Variants in CNMD observed in about 807,000 individuals in gnomAD.
CNMD encodes the protein leukocyte cell-derived chemotaxin 1.
A neutral mutation model predicts 37.5 loss-of-function variants in CNMD; 30 were observed. The ratio of observed to expected loss-of-function variants is 0.80; its 90% CI spans 0.60 to 1.09. CNMD has a LOEUF of 1.09. Among genes scored for constraint, CNMD ranks in the 50% least tolerant of loss-of-function variants. CNMD has a pLI of 0.00. For synonymous variants in CNMD, 167 were observed against 148.2 expected (o/e 1.13, Z -0.92); for missense variants, 398 against 423.9 (o/e 0.94, Z 0.54).
At chr13:52,714,327 G>A (rs1964335318) in intron 4 of CNMD, among the ~76,000 whole-genome samples, 2 of 151,976 alleles carry the variant, frequency 1.3e-5, no homozygotes, top group South Asian at 2.1e-4. Flanking sequence ...AACAGATCCC[G>A]ATTTGTGTAA....
chr13:52,714,780 C>T (rs1404944493), intron 4 of CNMD, among the ~76,000 whole-genome samples: 1 of 152,120 alleles, frequency 6.6e-6, no homozygotes, highest in Admixed American at 6.6e-5. Context: ...CACACACACA[C>T]ACACACGGAG....
At chr13:52,704,545 T>C (rs1436724) in intron 6 of CNMD, among the ~76,000 whole-genome samples, 145,592 of 152,172 alleles carry the variant, frequency 0.96, 69,668 homozygotes, top group East Asian at 0.99. Context: ...GGAACTCCCA[T>C]CCCTCCAACC....
intron 2 of CNMD, among the ~76,000 whole-genome samples, chr13:52,738,025 T>C (rs1964802073): frequency 6.6e-6 from 1 of 152,234 alleles, no homozygotes; most frequent in Admixed American, 6.5e-5. Flanking sequence ...ATGTGTAAAA[T>C]GGTTGAATTG....
chr13:52,732,482 TC>T (rs1019925000), intron 3 of CNMD, among the ~76,000 whole-genome samples: 38 of 152,332 alleles, frequency 2.5e-4, no homozygotes, highest in African/African-American at 8.9e-4. Context: ...CAAAACAGTC[TC>T]CTTTTCAAAG....
Position 52,703,632 on chromosome 13 carries a change from C to A in CNMD, c.968G>T (p.Cys323Phe). Residue 323 changes from cysteine (C) to phenylalanine (F), a missense_variant, in exon 7 of 7, where the codon TGT becomes TTT. Cys to Phe is a radical substitution (Grantham distance 205). Coordinates refer to ENST00000377962, the MANE Select transcript of CNMD (RefSeq NM_007015.3). ...CAAGATACGGGCCACCCACCAGCTA[C>A]ATGGCATGATGACTCTGCAGGCCGA... ...CRSACRVIMP[C>F]SWWVARILGM... The A allele has an allele frequency of 6.2e-7, 1 of 1,613,510 alleles. No homozygotes were observed. Among genetic ancestry groups the A allele is most frequent in the Non-Finnish European group, 8.5e-7 (1 of 1,179,532 alleles).
Position 52,739,772 on chromosome 13 carries a change from G to C in CNMD, c.-71C>G, listed in dbSNP as rs1280154769. The C allele has an allele frequency of 7.3e-7, 1 of 1,376,620 alleles. No individual in the cohort carries two copies. The highest frequency in any genetic ancestry group is 1.0e-6 in the Non-Finnish European group (1 of 969,894). The allele number at this position is 1,376,620 out of a possible 1,614,324, so 85.3% of individuals were successfully genotyped here. ...CTGGGATCTGTCCCGCTGCCCCGACGTGCAGGGCATTTCAACGCCGCGCGC... is the reference window on the plus strand; with the variant it reads ...CTGGGATCTGTCCCGCTGCCCCGACCTGCAGGGCATTTCAACGCCGCGCGC... On this transcript the variant is annotated 5_prime_UTR_variant, in exon 1 of 7. Transcript: ENST00000377962. The surrounding 1 kb of genome is among the most constrained non-coding windows in gnomAD (Gnocchi z 5.4).
At chr13:52,726,751 A>G (rs1964580446) in intron 3 of CNMD, among the ~76,000 whole-genome samples, 1 of 152,200 alleles carries the variant, frequency 6.6e-6, no homozygotes. Flanking sequence ...ATCACAATCA[A>G]AAACAAATTT....
chr13:52,731,707 A>G (rs1828177177), intron 3 of CNMD, among the ~76,000 whole-genome samples: 1 of 152,250 alleles, frequency 6.6e-6, no homozygotes, highest in African/African-American at 2.4e-5. Flanking sequence ...CTCAAGAAAG[A>G]TGAATCGTTT....
chr13:52,738,649 A>G (rs1037058961), intron 2 of CNMD, among the ~76,000 whole-genome samples: 4 of 152,134 alleles, frequency 2.6e-5, no homozygotes, highest in Admixed American at 6.5e-5. Flanking sequence ...AGCCTTTCTT[A>G]GCAGGGACAG....
intron 4 of CNMD, among the ~76,000 whole-genome samples, chr13:52,715,794 T>C (rs1964368018): frequency 6.6e-6 from 1 of 152,234 alleles, no homozygotes; most frequent in East Asian, 1.9e-4. Flanking sequence ...CTATTGTGAA[T>C]AGTGCTGCAA....
chr13:52,719,037 ATAGT>A (rs1483291006), intron 4 of CNMD, among the ~76,000 whole-genome samples: 3 of 152,212 alleles, frequency 2.0e-5, no homozygotes, highest in Admixed American at 6.5e-5. Flanking sequence ...TATATTTAGG[ATAGT>A]TAGTTCTTCT....
Position 52,739,330 on chromosome 13 carries a change from TC to T in CNMD, c.73-160del. On this transcript the variant is annotated intron_variant, in intron 1 of 6. Coordinates refer to ENST00000377962, the MANE Select transcript of CNMD (RefSeq NM_007015.3). This position sits in a 1 kb window ranked among gnomAD's most constrained non-coding sequence, Gnocchi z 5.4. ...CGGGTGCCCCTTTCGCCGCGCTCCC[TC>T]CCGAGGGTCCTTTGCAGTCGGGCGT... is the stretch of plus-strand genomic sequence containing the variant. 1.2e-6 allele frequency: 1 copy of T among 860,666 alleles called. No homozygotes were observed. The highest frequency in any genetic ancestry group is 1.7e-6 in the Non-Finnish European group (1 of 589,036). The allele number at this position is 860,666 out of a possible 1,614,324, so 53.3% of individuals were successfully genotyped here.
intron 4 of CNMD, among the ~76,000 whole-genome samples, chr13:52,715,301 C>T (rs1309411411): frequency 6.6e-6 from 1 of 152,076 alleles, no homozygotes; most frequent in Non-Finnish European, 1.5e-5. Flanking sequence ...CAAACCGTTC[C>T]AGCCTCTGGT....
chr13:52,715,597 G>A (rs1964363840), intron 4 of CNMD, among the ~76,000 whole-genome samples: 1 of 152,210 alleles, frequency 6.6e-6, no homozygotes, highest in Admixed American at 6.5e-5. Flanking sequence ...GTGAGAACAT[G>A]CAGTGTCTGG....
At chr13:52,717,784 G>T (rs1430779231) in intron 4 of CNMD, among the ~76,000 whole-genome samples, 1 of 152,156 alleles carries the variant, frequency 6.6e-6, no homozygotes, top group East Asian at 1.9e-4. Flanking sequence ...GTTCATCAGG[G>T]ATATTGGCCT....
chr13:52,730,610 A>G (rs1357566114), intron 3 of CNMD, among the ~76,000 whole-genome samples: 1 of 152,152 alleles, frequency 6.6e-6, no homozygotes, highest in African/African-American at 2.4e-5. Flanking sequence ...TTTTGGCTGC[A>G]TAAATGTCTT....
chr13:52,734,328 T>G (rs750592540), intron 2 of CNMD, among the ~76,000 whole-genome samples: 2 of 152,354 alleles, frequency 1.3e-5, no homozygotes, highest in Non-Finnish European at 2.9e-5. Context: ...CCATCCATAG[T>G]CTAACCAGAG....
At chr13:52,714,725 T>C (rs1318314990) in intron 4 of CNMD, among the ~76,000 whole-genome samples, 1 of 152,078 alleles carries the variant, frequency 6.6e-6, no homozygotes, top group Non-Finnish European at 1.5e-5. Flanking sequence ...GTTATGACAA[T>C]AATAAGCATG....
chr13:52,718,133 G>A (rs1261893032), intron 4 of CNMD, among the ~76,000 whole-genome samples: 2 of 152,126 alleles, frequency 1.3e-5, no homozygotes, highest in Non-Finnish European at 2.9e-5. Flanking sequence ...TTTGTGTAGA[G>A]GTGTTTATAG....
Sources: allele counts gnomAD v4.1 joint callset (sites outside exome capture counted in the v4.1 genomes callset), GRCh38; gene constraint gnomAD v4.1.1; non-coding constraint Gnocchi (gnomAD v3.1); transcripts MANE v1.5; gene names NCBI Gene and HGNC (gene_info 2026-07-23, HGNC 2026-07-21).